PLPPR1: variants seen among roughly 807,000 people sequenced by gnomAD.
The protein encoded by PLPPR1 is phospholipid phosphatase related 1.
In PLPPR1, 10 loss-of-function variants were observed where a neutral mutation model predicts 33.1. The ratio of observed to expected loss-of-function variants is 0.30; its 90% confidence interval spans 0.19 to 0.51. The LOEUF is 0.51. PLPPR1 is among the 20% of genes least tolerant of loss of function. The probability of loss-of-function intolerance (pLI) is 0.97; values close to 1 mark genes in which losing one functional copy is unlikely to be tolerated. For missense variants in PLPPR1, 304 were observed against 408.1 expected, an observed-to-expected ratio of 0.74 and a Z score of 2.20; for synonymous variants, 151 against 151.0, an observed-to-expected ratio of 1.00 and a Z score of 0.00.
chr9:101,052,799 C>A (rs985236803), intron 1 of PLPPR1, among the ~76,000 whole-genome samples: 1 of 152,206 alleles, frequency 6.6e-6, no homozygotes, highest in African/African-American at 2.4e-5. Context: ...ATCAGAGCTG[C>A]AATCCATTGT....
intron 1 of PLPPR1, among the ~76,000 whole-genome samples, chr9:101,181,802 T>C (rs138782293): frequency 1.8e-3 from 273 of 149,006 alleles, no homozygotes; most frequent in African/African-American, 6.4e-3. Context: ...CCAGATTTTC[T>C]TCATTCATTA....
chr9:101,088,796 T>C (rs4743439), intron 1 of PLPPR1, among the ~76,000 whole-genome samples: 86,293 of 152,002 alleles, frequency 0.57, 24,544 homozygotes, highest in Non-Finnish European at 0.6. Context: ...ATTTATCTTA[T>C]AGTAATCACT....
At chr9:101,066,382 C>T (rs1019801103) in intron 1 of PLPPR1, among the ~76,000 whole-genome samples, 2 of 151,864 alleles carry the variant, frequency 1.3e-5, no homozygotes, top group South Asian at 4.2e-4. Flanking sequence ...TTGTCCCTAC[C>T]CCCTTCCATA....
chr9:101,301,036 T>G, intron 4 of PLPPR1, among the ~76,000 whole-genome samples: 1 of 152,230 alleles, frequency 6.6e-6, no homozygotes, highest in Admixed American at 6.5e-5. Flanking sequence ...AATTTTATGC[T>G]TTGAGGAAGT....
chr9:101,261,803 TCGACACA>T (rs1827903651), intron 2 of PLPPR1, among the ~76,000 whole-genome samples: 1 of 151,874 alleles, frequency 6.6e-6, no homozygotes, highest in African/African-American at 2.4e-5. Context: ...TGATAACACA[TCGACACA>T]TAGAGGGGAA....
chr9:101,147,394 G>T (rs183883395), intron 1 of PLPPR1, among the ~76,000 whole-genome samples: 1 of 152,028 alleles, frequency 6.6e-6, no homozygotes, highest in African/African-American at 2.4e-5. Flanking sequence ...AATTACTCTG[G>T]GAATCATGAT....
At chr9:101,141,140 C>T (rs1010235382) in intron 1 of PLPPR1, among the ~76,000 whole-genome samples, 1 of 152,148 alleles carries the variant, frequency 6.6e-6, no homozygotes, top group Non-Finnish European at 1.5e-5. Context: ...AATTACCAAC[C>T]GTGAAGAACA....
At chr9:101,254,217 C>T (rs1564017600) in intron 2 of PLPPR1, among the ~76,000 whole-genome samples, 1 of 151,932 alleles carries the variant, frequency 6.6e-6, no homozygotes, top group South Asian at 2.1e-4. Flanking sequence ...ACTCACCATA[C>T]GTAGAATCAG....
chr9:101,240,797 C>A (rs10989451), intron 2 of PLPPR1, among the ~76,000 whole-genome samples: 8 of 152,054 alleles, frequency 5.3e-5, no homozygotes, highest in Admixed American at 3.3e-4. Flanking sequence ...CCAACTGGAT[C>A]TTTGTTAAAT....
intron 1 of PLPPR1, among the ~76,000 whole-genome samples, chr9:101,134,608 T>C (rs1564154335): frequency 6.6e-6 from 1 of 152,162 alleles, no homozygotes. Context: ...GGTCTTGAAC[T>C]CCTGAGCTCA....
intron 4 of PLPPR1, among the ~76,000 whole-genome samples, chr9:101,286,625 A>G (rs998596176): frequency 1.3e-5 from 2 of 152,188 alleles, no homozygotes; most frequent in Non-Finnish European, 2.9e-5. Context: ...TAATTTTGTT[A>G]TGCAGGGAAT....
chr9:101,096,610 G>A lies in PLPPR1; in HGVS notation c.-46+67508G>A, dbSNP rs148542523. 8.1e-4 allele frequency among the ~76,000 whole-genome samples: 124 copies of A among 152,264 alleles called. 1 individual carries two copies. In the South Asian group the frequency reaches 0.013, roughly 16 times the overall value. On this transcript the variant is annotated intron_variant, in intron 1 of 7. Coordinates refer to ENST00000374874, the MANE Select transcript of PLPPR1 (RefSeq NM_207299.2). ...TAACATATGTAACATTTAAATGAGCGTTGTTAACAACACAGTGAACATTTG... is the reference window on the plus strand; with the variant it reads ...TAACATATGTAACATTTAAATGAGCATTGTTAACAACACAGTGAACATTTG...
At chr9:101,155,595 T>C (rs1465853866) in intron 1 of PLPPR1, among the ~76,000 whole-genome samples, 1 of 120,102 alleles carries the variant, frequency 8.3e-6, no homozygotes, top group Non-Finnish European at 1.8e-5. Flanking sequence ...TTCTTTTCTC[T>C]CTCTCTCTCT....
At position 101,223,079 on chromosome 9, in the gene PLPPR1, G is replaced by C. The variant is rs938195557; in HGVS notation, c.63+37522G>C. The stretch of plus-strand genomic sequence containing the variant: ...GGTAATCCCTGTGCTGTGGGAGACT[G>C]AGGTGGGAAGATTGTTTGAAGCCAG... On this transcript the variant is annotated intron_variant, in intron 2 of 7. Transcript: ENST00000374874. 2.7e-5 allele frequency among the ~76,000 whole-genome samples: 4 copies of C among 146,702 alleles called. No homozygotes were observed. In the East Asian group the frequency reaches 8.1e-4, roughly 30 times the overall value.
intron 1 of PLPPR1, among the ~76,000 whole-genome samples, chr9:101,155,791 G>A (rs1831676067): frequency 6.6e-6 from 1 of 151,950 alleles, no homozygotes; most frequent in Non-Finnish European, 1.5e-5. Context: ...GTAGAGATGG[G>A]GTTTCTCCAT....
At chr9:101,036,701 CA>C (rs5899427) in intron 1 of PLPPR1, among the ~76,000 whole-genome samples, 3,960 of 103,650 alleles carry the variant, frequency 0.038, 58 homozygotes, top group African/African-American at 0.1. Flanking sequence ...CTATTTCTGC[CA>C]AAAAAAAAAA....
At chr9:101,259,071 T>C (rs372863519) in intron 2 of PLPPR1, among the ~76,000 whole-genome samples, 227 of 152,272 alleles carry the variant, frequency 1.5e-3, no homozygotes, top group African/African-American at 5.2e-3. Context: ...TAGTTGTAAA[T>C]CTACTTAGTA....
intron 1 of PLPPR1, among the ~76,000 whole-genome samples, chr9:101,153,695 C>T (rs187319202): frequency 6.6e-6 from 1 of 152,296 alleles, no homozygotes; most frequent in Non-Finnish European, 1.5e-5. Context: ...CTGCCTCAGC[C>T]TCCTGAGTAG....
chr9:101,156,573 A>T (rs1831694143), intron 1 of PLPPR1, among the ~76,000 whole-genome samples: 1 of 92,440 alleles, frequency 1.1e-5, no homozygotes, highest in South Asian at 3.0e-4. Context: ...AAAAAAAAAA[A>T]GAAAGAAAGA....
Sources: gnomAD v4.1 joint callset for allele counts (sites outside exome capture counted in the v4.1 genomes callset) on GRCh38, gnomAD v4.1.1 for gene constraint, MANE v1.5 for transcripts, NCBI Gene and HGNC (gene_info 2026-07-23, HGNC 2026-07-21) for gene names.